VPS26A: variants seen among roughly 807,000 people sequenced by gnomAD.
The protein encoded by VPS26A is vacuolar protein sorting-associated protein 26A.
Under a neutral mutation model 42.4 loss-of-function variants are expected in VPS26A, and 22 were observed. The observed-to-expected ratio is 0.52, with a 90% CI of 0.37 to 0.74. The LOEUF (loss-of-function observed/expected upper bound fraction) is 0.74. Among genes scored for constraint, VPS26A ranks in the 30% least tolerant of loss-of-function variants. The pLI, the probability that VPS26A is intolerant of heterozygous loss-of-function variation, is 0.00. For missense variants in VPS26A, 276 were observed against 379.2 expected (o/e 0.73, Z 2.26); for synonymous variants, 110 against 123.5 (o/e 0.89, Z 0.73).
At chr10:69,149,898 C>T (rs1166419630) in intron 2 of VPS26A, among the ~76,000 whole-genome samples, 2 of 151,576 alleles carry the variant, frequency 1.3e-5, no homozygotes, top group African/African-American at 4.9e-5. Flanking sequence ...CGCGTGCCAT[C>T]ACGCCCTACT....
chr10:69,152,740 C>T (rs1482000053), intron 2 of VPS26A, among the ~76,000 whole-genome samples: 3 of 152,066 alleles, frequency 2.0e-5, no homozygotes, highest in East Asian at 1.9e-4. Flanking sequence ...GAGGCCGAGG[C>T]GGGTGGATCA....
At chr10:69,166,345 T>C (rs1406434082) in intron 7 of VPS26A, among the ~76,000 whole-genome samples, 1 of 152,260 alleles carries the variant, frequency 6.6e-6, no homozygotes, top group African/African-American at 2.4e-5. Flanking sequence ...CAGTTATATG[T>C]ATCTATTCTC....
intron 1 of VPS26A, among the ~76,000 whole-genome samples, chr10:69,125,894 A>G (rs759638606): frequency 7.9e-5 from 12 of 152,124 alleles, no homozygotes; most frequent in Admixed American, 1.3e-4. Flanking sequence ...TCTACCATGT[A>G]TTTTTGCTAA....
At chr10:69,150,465 C>T (rs769342975) in intron 2 of VPS26A, among the ~76,000 whole-genome samples, 26 of 152,158 alleles carry the variant, frequency 1.7e-4, no homozygotes, top group Non-Finnish European at 2.6e-4. Context: ...AGCACGATCT[C>T]GGCTCACTGC....
chr10:69,139,878 A>T (rs1180825248), intron 2 of VPS26A, among the ~76,000 whole-genome samples: 2 of 151,820 alleles, frequency 1.3e-5, no homozygotes, highest in Admixed American at 6.6e-5. Context: ...CCCTAGCTTA[A>T]GATTTTCTTT....
In VPS26A at chr10:69,124,262, G is replaced by A. The variant is rs373297660; in HGVS notation, c.-16G>A. ...AAGAGGAGTGGAGTAGGGGGGACGC[G>A]GCGGCGGCGTTGACAATGGTGAGTG... On this transcript the variant is annotated 5_prime_UTR_variant, in exon 1 of 9. Coordinates refer to ENST00000263559, the MANE Select transcript of VPS26A (RefSeq NM_004896.5). 17 of 1,279,428 alleles carry A rather than the reference G, an allele frequency of 1.3e-5. No homozygotes were observed. The highest frequency in any genetic ancestry group is 1.6e-5 in the Non-Finnish European group (16 of 1,006,972). The allele number at this position is 1,279,428 out of a possible 1,614,324, so 79.3% of individuals were successfully genotyped here. A position where few individuals can be genotyped will look rare whatever the true frequency, so the allele number is the denominator to read the frequency against.
intron 2 of VPS26A, among the ~76,000 whole-genome samples, chr10:69,151,282 A>ACAAAAAC (rs1554854470): frequency 3.7e-5 from 5 of 136,772 alleles, no homozygotes; most frequent in South Asian, 2.2e-4. Flanking sequence ...AAAAAAAAAA[A>ACAAAAAC]ACACACACAC....
At chr10:69,151,284 C>CAACAAAAAAAAAAA (rs1162179375) in intron 2 of VPS26A, among the ~76,000 whole-genome samples, 19 of 111,868 alleles carry the variant, frequency 1.7e-4, no homozygotes, top group South Asian at 2.7e-4. Flanking sequence ...AAAAAAAAAA[C>CAACAAAAAAAAAAA]ACACACACAC....
chr10:69,168,764 TAAAG>T, intron 8 of VPS26A, 133 bp downstream of exon 8: 1 of 1,113,126 alleles, frequency 9.0e-7, no homozygotes, highest in South Asian at 1.9e-5. Context: ...GTATGATAGA[TAAAG>T]AAGTAGAGGA....
chr10:69,132,812 C>T lies in VPS26A; in HGVS notation c.4-86C>T, dbSNP rs10998592. 5.3e-4 allele frequency: 689 copies of T among 1,296,280 alleles called. 6 individuals are homozygous for T. The African/African-American group carries it at 9.0e-3, about 17-fold the overall frequency. 80.3% of individuals were successfully genotyped at this position (1,296,280 alleles called of 1,614,324 possible). A position where few individuals can be genotyped will look rare whatever the true frequency, so the allele number is the denominator to read the frequency against. On this transcript the variant is annotated intron_variant, in intron 1 of 8. Transcript: ENST00000263559. ...CTCACAGATTTGCAGTCTATTTAAC[C>T]GTAGTTCATAGGTAATTAAATTCAA...
chr10:69,144,175 C>A (rs896951896), intron 2 of VPS26A, among the ~76,000 whole-genome samples: 2 of 152,178 alleles, frequency 1.3e-5, no homozygotes, highest in African/African-American at 4.8e-5. Flanking sequence ...TTCTTCCTCA[C>A]CCCAGCCCCA....
At chr10:69,149,775 C>G (rs1841257667) in intron 2 of VPS26A, among the ~76,000 whole-genome samples, 1 of 106,922 alleles carries the variant, frequency 9.4e-6, no homozygotes, top group Admixed American at 1.4e-4. Context: ...GAGATGGAGT[C>G]TTCGTCTGTC....
In VPS26A at chr10:69,124,296, C is replaced by G; in HGVS notation, c.3+16C>G. ...GTTGACAATGGTGAGTGCGCGGCGG[C>G]CAGCGCGCTCGCCTCCCGCCCTCGT... On this transcript the variant is annotated intron_variant, in intron 1 of 8. Coordinates refer to ENST00000263559, the MANE Select transcript of VPS26A (RefSeq NM_004896.5). The G allele has an allele frequency of 8.0e-7, 1 of 1,252,460 alleles. No homozygotes were observed. Among genetic ancestry groups the G allele is most frequent in the Non-Finnish European group, 1.0e-6 (1 of 992,534 alleles). The allele number at this position is 1,252,460 out of a possible 1,614,324, so 77.6% of individuals were successfully genotyped here. A position where few individuals can be genotyped will look rare whatever the true frequency, so the allele number is the denominator to read the frequency against.
intron 6 of VPS26A, among the ~76,000 whole-genome samples, chr10:69,163,932 A>AT (rs1008875827): frequency 6.7e-6 from 1 of 149,786 alleles, no homozygotes; most frequent in African/African-American, 2.5e-5. Context: ...CGCCCGGCTA[A>AT]TTTTTTTTGT....
At chr10:69,159,646 T>C (rs1841508850) in intron 5 of VPS26A, among the ~76,000 whole-genome samples, 1 of 152,198 alleles carries the variant, frequency 6.6e-6, no homozygotes, top group South Asian at 2.1e-4. Context: ...GCTTGTTTTC[T>C]GTGTCTATTC....
At chr10:69,150,924 T>A (rs1841289657) in intron 2 of VPS26A, among the ~76,000 whole-genome samples, 1 of 152,002 alleles carries the variant, frequency 6.6e-6, no homozygotes, top group African/African-American at 2.4e-5. Flanking sequence ...TTGCAAGTTT[T>A]TGAATTATAA....
intron 2 of VPS26A, among the ~76,000 whole-genome samples, chr10:69,133,318 A>AT (rs1017704832): frequency 3.9e-4 from 59 of 149,552 alleles, no homozygotes; most frequent in East Asian, 7.8e-4. Flanking sequence ...AAAAAAAAAT[A>AT]TTTTTTTTTT....
At chr10:69,151,277 AAAAAAAC>A (rs1291631293) in intron 2 of VPS26A, among the ~76,000 whole-genome samples, 1 of 131,134 alleles carries the variant, frequency 7.6e-6, no homozygotes, top group East Asian at 2.1e-4. Flanking sequence ...AAAAAAAAAA[AAAAAAAC>A]ACACACACAC....
chr10:69,155,632 A>G (rs1485541783), intron 2 of VPS26A, among the ~76,000 whole-genome samples, 180 bp from the exon 3 acceptor site: 2 of 152,244 alleles, frequency 1.3e-5, no homozygotes, highest in African/African-American at 4.8e-5. Flanking sequence ...ATGATTGTGT[A>G]TAACTAAATT....
Sources: allele counts gnomAD v4.1 joint callset (sites outside exome capture counted in the v4.1 genomes callset), GRCh38; gene constraint gnomAD v4.1.1; transcripts MANE v1.5; gene names NCBI Gene and HGNC (gene_info 2026-07-23, HGNC 2026-07-21).